TBXAS1: variants seen among roughly 807,000 people sequenced by gnomAD.
The protein encoded by TBXAS1 is thromboxane-A synthase.
In TBXAS1, 48 loss-of-function variants were observed where a neutral mutation model predicts 60.7. The ratio of observed to expected loss-of-function variants is 0.79; its 90% CI spans 0.63 to 1.01. The LOEUF (loss-of-function observed/expected upper bound fraction) is 1.01. Among genes scored for constraint, TBXAS1 ranks in the 50% least tolerant of loss-of-function variants. The probability of loss-of-function intolerance (pLI) is 0.00; values close to 1 mark genes in which losing one functional copy is unlikely to be tolerated. For synonymous variants in TBXAS1, 287 were observed against 269.7 expected (o/e 1.06, Z -0.63); for missense variants, 685 against 686.3 (o/e 1.00, Z 0.02).
chr7:140,000,538 T>C (rs902943924), intron 9 of TBXAS1, among the ~76,000 whole-genome samples: 1 of 152,120 alleles, frequency 6.6e-6, no homozygotes, highest in African/African-American at 2.4e-5. Flanking sequence ...TCCTAAACTA[T>C]ATGATGGAAA....
At chr7:139,806,783 C>T (rs1053900383) in intron 4 of TBXAS1, among the ~76,000 whole-genome samples, 3 of 152,126 alleles carry the variant, frequency 2.0e-5, no homozygotes, top group Admixed American at 2.0e-4. Flanking sequence ...CCTTGATTCC[C>T]CCTTGGCTCC....
rs189952041 is a variant in TBXAS1, at chr7:139,860,249, C to T, written c.90-11986C>T. On this transcript the variant is annotated intron_variant, in intron 1 of 12. Coordinates refer to ENST00000448866, the MANE Select transcript of TBXAS1 (RefSeq NM_001061.7). ...AGAGGCTGGGTACTGGGTGAGCTCT[C>T]GGCTGGCCTTCCCCCACCCCACCCC... is the stretch of plus-strand genomic sequence containing the variant. Among the ~76,000 whole-genome samples the T allele has an allele frequency of 1.2e-3, 186 of 152,280 alleles. 1 individual carries two copies. The highest frequency in any genetic ancestry group is 6.8e-3 in the Middle Eastern group (2 of 294).
In TBXAS1 at chr7:139,939,293, G is replaced by A. The variant is rs558926689; in HGVS notation, c.450+2986G>A. Among the ~76,000 whole-genome samples the A allele has an allele frequency of 2.0e-4, 29 of 144,730 alleles. No homozygotes were observed. In the East Asian group the frequency reaches 5.8e-3, roughly 29 times the overall value. 94.9% of individuals were successfully genotyped at this position (144,730 alleles called of 152,430 possible). The stretch of plus-strand genomic sequence containing the variant: ...GCAGGAGAATCGCTTGAATCCAGGA[G>A]GCAGAGGTTGCAGTAAGCCAAGATC... On this transcript the variant is annotated intron_variant, in intron 5 of 12. Transcript: ENST00000448866.
At chr7:139,902,041 C>CCCCAATG (rs1804619740) in intron 3 of TBXAS1, among the ~76,000 whole-genome samples, 1 of 149,040 alleles carries the variant, frequency 6.7e-6, no homozygotes, top group Non-Finnish European at 1.5e-5. Flanking sequence ...TAACCTCTTG[C>CCCCAATG]GTGACTATAG....
Position 140,008,638 on chromosome 7 carries a change from G to A in TBXAS1, c.1226+1456G>A, listed in dbSNP as rs1229099736. On this transcript the variant is annotated intron_variant, in intron 10 of 12. Coordinates refer to ENST00000448866, the MANE Select transcript of TBXAS1 (RefSeq NM_001061.7). ...AATTTTTTGTATTTTTAGTAGAGAC[G>A]GGGTTTCACCACGTTGGCCAGGCTG... 5.9e-5 allele frequency among the ~76,000 whole-genome samples: 9 copies of A among 151,858 alleles called. No homozygotes were observed. In the South Asian group the frequency reaches 1.2e-3, roughly 21 times the overall value.
In TBXAS1 at chr7:139,838,715, G is replaced by A. The variant is rs1052184756; in HGVS notation, c.89+9236G>A. Among the ~76,000 whole-genome samples the A allele has an allele frequency of 5.9e-5, 9 of 152,224 alleles. No homozygotes were observed. The South Asian group carries it at 6.2e-4, about 11-fold the overall frequency. ...AAACTAGGCACAGTACACTTTGATC[G>A]TTTTCCCGAAACCGCGTTGGACACC... On this transcript the variant is annotated intron_variant, in intron 1 of 12. Transcript: ENST00000448866.
chr7:139,944,977 A>G (rs1346331591), intron 5 of TBXAS1, among the ~76,000 whole-genome samples: 1 of 152,216 alleles, frequency 6.6e-6, no homozygotes, highest in Non-Finnish European at 1.5e-5. Context: ...TAAGGAGCAA[A>G]GGAAATGTGG....
Position 139,975,406 on chromosome 7 carries a change from T to C in TBXAS1, c.1134+13173T>C, listed in dbSNP as rs926304253. 6.6e-6 allele frequency among the ~76,000 whole-genome samples: 1 copy of C among 152,178 alleles called. No individual in the cohort carries two copies. The highest frequency in any genetic ancestry group is 1.5e-5 in the Non-Finnish European group (1 of 68,028). ...CCTTAGTCTGTATTCTTTTCAACCT[T>C]GTCTCTAATATTCCATGATTCCATG... On this transcript the variant is annotated intron_variant, in intron 9 of 12. Coordinates refer to ENST00000448866, the MANE Select transcript of TBXAS1 (RefSeq NM_001061.7). This position sits in a 1 kb window ranked among gnomAD's most constrained non-coding sequence, Gnocchi z 4.4.
intron 4 of TBXAS1, among the ~76,000 whole-genome samples, chr7:139,812,530 C>T (rs549706218): frequency 6.6e-5 from 10 of 152,230 alleles, no homozygotes; most frequent in Non-Finnish European, 1.2e-4. Context: ...CGTCCTTTGC[C>T]TTGGGTCGTG....
intron 10 of TBXAS1, among the ~76,000 whole-genome samples, chr7:140,011,566 A>C (rs78922519): frequency 0.018 from 2,746 of 152,336 alleles, 55 homozygotes; most frequent in African/African-American, 0.038. Context: ...CGGTAGAGAC[A>C]TAGACAACAG....
intron 3 of TBXAS1, among the ~76,000 whole-genome samples, chr7:139,878,506 C>T (rs1220070513): frequency 1.3e-5 from 2 of 152,028 alleles, no homozygotes; most frequent in Non-Finnish European, 2.9e-5. Flanking sequence ...CAACTTTTCT[C>T]CTTTGGAAAA....
chr7:139,792,796 A>G (rs909233958), intron 4 of TBXAS1, among the ~76,000 whole-genome samples: 1 of 152,206 alleles, frequency 6.6e-6, no homozygotes, highest in African/African-American at 2.4e-5. Flanking sequence ...GTATACTTTC[A>G]TCCCTGTCCT....
chr7:139,891,634 G>C (rs544712131), intron 3 of TBXAS1, among the ~76,000 whole-genome samples: 1 of 152,250 alleles, frequency 6.6e-6, no homozygotes, highest in East Asian at 1.9e-4. Flanking sequence ...CTGCTTTCCT[G>C]GTAGAATGCA....
chr7:139,868,790 G>A (rs1373733748), intron 1 of TBXAS1, among the ~76,000 whole-genome samples: 1 of 150,998 alleles, frequency 6.6e-6, no homozygotes, highest in East Asian at 2.0e-4. Flanking sequence ...CCGAGTAGTT[G>A]GGATTACAAG....
intron 9 of TBXAS1, among the ~76,000 whole-genome samples, chr7:139,979,809 A>G (rs1430357530): frequency 6.6e-6 from 1 of 151,080 alleles, no homozygotes; most frequent in Non-Finnish European, 1.5e-5. Context: ...GCTAAGAAGT[A>G]TACTGTTGTG....
In TBXAS1 at chr7:139,811,324, G is replaced by A. The variant is rs796838197; in HGVS notation, c.-79-17988G>A. Among the ~76,000 whole-genome samples the A allele has an allele frequency of 2.4e-4, 36 of 152,334 alleles. 2 individuals carry two copies. Among genetic ancestry groups the A allele is most frequent in the African/African-American group, 8.7e-4 (36 of 41,572 alleles). On this transcript the variant is annotated intron_variant, in intron 4 of 16. Coordinates refer to the TBXAS1 transcript ENST00000336425. Reference sequence around the variant, plus strand: ...TCTGAGACTCATGAGCAAAGCCGTGGTGTGGGTAAGAGGGATGAGCTGTTC... The same window carrying A: ...TCTGAGACTCATGAGCAAAGCCGTGATGTGGGTAAGAGGGATGAGCTGTTC...
intron 1 of TBXAS1, among the ~76,000 whole-genome samples, chr7:139,858,199 CA>C (rs1355593056): frequency 6.6e-6 from 1 of 152,242 alleles, no homozygotes; most frequent in Non-Finnish European, 1.5e-5. Flanking sequence ...TCCAAGGCAG[CA>C]GCCTTTCCAG....
At position 139,805,706 on chromosome 7, in the gene TBXAS1, C is replaced by CT. The variant is rs748805326; in HGVS notation, c.-80+18283dup. ...TCTTTCTTTCTTTCTTTCTTTCTTT[C>CT]TTTCTTTCTCTCTCTCTCTCTCTCT... On this transcript the variant is annotated intron_variant, in intron 4 of 16. Transcript: ENST00000336425. Among the ~76,000 whole-genome samples the CT allele has an allele frequency of 2.4e-3, 118 of 49,510 alleles. 3 individuals carry two copies. The Admixed American group carries it at 0.026, about 11-fold the overall frequency. The allele number at this position is 49,510 out of a possible 152,430, so 32.5% of individuals were successfully genotyped here.
chr7:139,884,790 C>T (rs1164042549), intron 3 of TBXAS1, among the ~76,000 whole-genome samples: 1 of 152,178 alleles, frequency 6.6e-6, no homozygotes, highest in African/African-American at 2.4e-5. Flanking sequence ...GAGAAGCCCC[C>T]GGCCCTGAGA....
Sources: allele counts gnomAD v4.1 joint callset (sites outside exome capture counted in the v4.1 genomes callset), GRCh38; gene constraint gnomAD v4.1.1; non-coding constraint Gnocchi (gnomAD v3.1); transcripts MANE v1.5; gene names NCBI Gene and HGNC (gene_info 2026-07-23, HGNC 2026-07-21).